CCDC179: variants seen among roughly 807,000 people sequenced by gnomAD.
CCDC179 encodes the protein coiled-coil domain-containing protein 179.
Under a neutral mutation model 12.0 loss-of-function variants are expected in CCDC179, and 17 were observed. That is an observed-to-expected ratio of 1.42 (90% CI 0.97 to 2.13). The LOEUF (loss-of-function observed/expected upper bound fraction) is 2.13, where lower values mean the gene tolerates loss of function less well. CCDC179 is among the 30% of genes most tolerant of loss of function. CCDC179 has a pLI of 0.00. For synonymous variants in CCDC179, 27 were observed against 26.4 expected, an observed-to-expected ratio of 1.02 and a Z score of -0.07; for missense variants, 83 against 78.6, an observed-to-expected ratio of 1.06 and a Z score of -0.21.
intron 3 of CCDC179, among the ~76,000 whole-genome samples, chr11:22,855,960 A>G (rs954052832): frequency 7.3e-5 from 11 of 151,586 alleles, no homozygotes; most frequent in Admixed American, 5.3e-4. Context: ...AAAGGATTCA[A>G]TCTACTAAAA....
intron 3 of CCDC179, among the ~76,000 whole-genome samples, chr11:22,854,387 A>G (rs1858487857): frequency 6.6e-6 from 1 of 151,832 alleles, no homozygotes; most frequent in Non-Finnish European, 1.5e-5. Context: ...TTTATATTTT[A>G]TGGACAAGTG....
intron 2 of CCDC179, 50 bp downstream of exon 2, chr11:22,859,402 C>G: frequency 7.7e-7 from 1 of 1,302,264 alleles, no homozygotes; most frequent in Non-Finnish European, 1.0e-6. Flanking sequence ...GAACAAGTTA[C>G]AAGCACAATG....
At chr11:22,847,955 G>A (rs1323746649) in intron 3 of CCDC179, among the ~76,000 whole-genome samples, 1 of 152,044 alleles carries the variant, frequency 6.6e-6, no homozygotes, top group Non-Finnish European at 1.5e-5. Context: ...GCATATTTTA[G>A]GCATCTGTTG....
rs577414393 is a variant in CCDC179 at position 22,848,261 on chromosome 11, T to C, written c.196-740A>G. 1.1e-3 allele frequency among the ~76,000 whole-genome samples: 162 copies of C among 152,200 alleles called. 1 individual carries two copies. Among genetic ancestry groups the C allele is most frequent in the Non-Finnish European group, 4.4e-4 (30 of 68,004 alleles). On this transcript the variant is annotated intron_variant, in intron 3 of 3. Transcript: ENST00000532798. ...GAATTTGAAACCAGCCTGGCCAACA[T>C]GGTGAAACCCCATCTCTACTAAAAA...
chr11:22,857,996 G>A lies in CCDC179; in HGVS notation c.121C>T (p.His41Tyr), dbSNP rs1464181470. ...AGTCTCCTCTTCTCTTTCTTTAGGT[G>A]TTGCATATTCTGAATACGTTTATTT... ...LANKRIQNMQ[H>Y]LKKEKRRLNK... The change falls in exon 3 of 4, where the codon CAC becomes TAC. Residue 41 changes from histidine (H) to tyrosine (Y), a missense_variant. Transcript: ENST00000532798. 1.1e-5 allele frequency: 16 copies of A among 1,522,528 alleles called. No individual in the cohort carries two copies. Among genetic ancestry groups the A allele is most frequent in the Non-Finnish European group, 1.3e-5 (15 of 1,141,662 alleles). 94.3% of individuals were successfully genotyped at this position (1,522,528 alleles called of 1,614,324 possible).
rs1008310739 is a variant in CCDC179, at chr11:22,860,313, G to A, written c.45+64C>T. Reference sequence around the variant, plus strand: ...GAAGCACCATGGCCAAGGCCACAGTGGCCTGGAGCTCAAGGCACAGGACAG... The same window carrying A: ...GAAGCACCATGGCCAAGGCCACAGTAGCCTGGAGCTCAAGGCACAGGACAG... On this transcript the variant is annotated intron_variant, in intron 1 of 3. Coordinates refer to ENST00000532798, the MANE Select transcript of CCDC179 (RefSeq NM_001195637.2). The A allele has an allele frequency of 1.2e-4, 174 of 1,500,002 alleles. 1 individual carries two copies. The Middle Eastern group carries it at 1.7e-3, about 15-fold the overall frequency. The allele number at this position is 1,500,002 out of a possible 1,614,324, so 92.9% of individuals were successfully genotyped here.
chr11:22,859,555 T>C (rs1383008790), intron 1 of CCDC179, 59 bp from the exon 2 acceptor site: 8 of 1,007,594 alleles, frequency 7.9e-6, no homozygotes, highest in Non-Finnish European at 9.6e-6. Context: ...AAACAGTAAA[T>C]TAATTATTAT....
intron 3 of CCDC179, among the ~76,000 whole-genome samples, chr11:22,850,976 A>ATTTTTTT (rs1164245496): frequency 8.2e-4 from 5 of 6,120 alleles, no homozygotes; most frequent in African/African-American, 1.5e-3. Context: ...ATATATATAT[A>ATTTTTTT]TTTTTTTTTT....
chr11:22,851,717 G>T (rs1305759317), intron 3 of CCDC179, among the ~76,000 whole-genome samples: 1 of 152,204 alleles, frequency 6.6e-6, no homozygotes, highest in Non-Finnish European at 1.5e-5. Context: ...ATCAGAGCTT[G>T]CCAGGAACAA....
At chr11:22,850,448 T>C (rs1018793221) in intron 3 of CCDC179, among the ~76,000 whole-genome samples, 6 of 152,232 alleles carry the variant, frequency 3.9e-5, no homozygotes. Flanking sequence ...TTATGGCTGT[T>C]CTATTTTATC....
intron 3 of CCDC179, among the ~76,000 whole-genome samples, chr11:22,853,653 A>G (rs201792323): frequency 3.3e-5 from 2 of 59,846 alleles, no homozygotes; most frequent in Admixed American, 2.0e-4. Context: ...GTACAATTGG[A>G]AAAAAAAAGA....
chr11:22,855,075 G>A (rs1296086436), intron 3 of CCDC179, among the ~76,000 whole-genome samples: 7 of 151,642 alleles, frequency 4.6e-5, no homozygotes, highest in Admixed American at 4.6e-4. Context: ...ACTGATAAAA[G>A]TGCAAGAAGA....
At chr11:22,847,555 A>AT in intron 3 of CCDC179, 34 bp from the exon 4 acceptor site, 1 of 1,193,822 alleles carries the variant, frequency 8.4e-7, no homozygotes, top group Non-Finnish European at 1.1e-6. Context: ...AGAATAAGAA[A>AT]TTTAATTAAA....
chr11:22,859,578 A>G (rs1858614603), intron 1 of CCDC179, 82 bp from the exon 2 acceptor site: 1 of 747,940 alleles, frequency 1.3e-6, no homozygotes, highest in Admixed American at 3.4e-5. Flanking sequence ...TAGGAAGCCT[A>G]TGCTACTTTT....
intron 2 of CCDC179, among the ~76,000 whole-genome samples, chr11:22,859,092 T>C (rs1017937191): frequency 9.9e-5 from 15 of 152,186 alleles, no homozygotes; most frequent in African/African-American, 3.6e-4. Flanking sequence ...AAATTCAAGA[T>C]GGAGGTCACC....
intron 3 of CCDC179, among the ~76,000 whole-genome samples, chr11:22,848,046 C>G (rs1449297508): frequency 6.6e-6 from 1 of 152,204 alleles, no homozygotes; most frequent in East Asian, 1.9e-4. Flanking sequence ...AAAAAATTGC[C>G]TACATCAGTA....
chr11:22,851,598 G>A (rs1024017630), intron 3 of CCDC179, among the ~76,000 whole-genome samples: 3 of 152,126 alleles, frequency 2.0e-5, no homozygotes, highest in African/African-American at 7.2e-5. Context: ...TAAGAAAAAA[G>A]CAGAACAATC....
rs560582587 is a variant in CCDC179, at chr11:22,854,577, A to G, written c.195+3345T>C. On this transcript the variant is annotated intron_variant, in intron 3 of 3. Transcript: ENST00000532798. ...AGTTAAAAAATAAAATAAAGCAAGT[A>G]TAATTGACATGCTAAGACAGGAGAG... Among the ~76,000 whole-genome samples, 4 of 151,998 alleles carry G rather than the reference A, an allele frequency of 2.6e-5. No homozygotes were observed. The South Asian group carries it at 8.3e-4, about 31-fold the overall frequency.
intron 3 of CCDC179, among the ~76,000 whole-genome samples, chr11:22,852,694 A>T (rs1352728638): frequency 6.6e-6 from 1 of 152,208 alleles, no homozygotes; most frequent in Non-Finnish European, 1.5e-5. Flanking sequence ...CCCTGCCCAC[A>T]AAACTATCCT....
Sources: allele counts gnomAD v4.1 joint callset (sites outside exome capture counted in the v4.1 genomes callset), GRCh38; gene constraint gnomAD v4.1.1; transcripts MANE v1.5; gene names NCBI Gene and HGNC (gene_info 2026-07-23, HGNC 2026-07-21).